DIAPH2: variants seen among roughly 807,000 people sequenced by gnomAD.
DIAPH2 encodes protein diaphanous homolog 2.
Under a neutral mutation model 92.7 loss-of-function variants are expected in DIAPH2, and 35 were observed. That is an observed-to-expected ratio of 0.38 (90% confidence interval 0.29 to 0.50). DIAPH2 has a LOEUF of 0.50. Among genes scored for constraint, DIAPH2 ranks in the 20% least tolerant of loss-of-function variants. The pLI is 0.94. For missense variants in DIAPH2, 701 were observed against 819.5 expected, an observed-to-expected ratio of 0.86 and a Z score of 1.77; for synonymous variants, 301 against 280.4, an observed-to-expected ratio of 1.07 and a Z score of -0.73.
At chrX:97,390,972 C>G (rs767321603) in intron 25 of DIAPH2, among the ~76,000 whole-genome samples, 5 of 111,586 alleles carry the variant, frequency 4.5e-5, no homozygotes, top group Non-Finnish European at 7.5e-5. Context: ...AAATAGTAAA[C>G]TACTGTTACC....
At chrX:97,221,296 C>T (rs2067922883) in intron 22 of DIAPH2, among the ~76,000 whole-genome samples, 1 of 111,730 alleles carries the variant, frequency 9.0e-6, no homozygotes, top group Non-Finnish European at 1.9e-5. Flanking sequence ...GGCCATATGG[C>T]ATGGTTGAAG....
chrX:97,031,307 T>G (rs1281354845), intron 17 of DIAPH2, among the ~76,000 whole-genome samples: 5 of 95,640 alleles, frequency 5.2e-5, no homozygotes, highest in Non-Finnish European at 8.4e-5. Context: ...ATGATAAAAT[T>G]TTGAGGAATA....
chrX:97,012,559 C>G (rs17003775), intron 17 of DIAPH2, among the ~76,000 whole-genome samples: 3,448 of 112,062 alleles, frequency 0.031, 146 homozygotes, highest in African/African-American at 0.11. Context: ...GTTTTATCCT[C>G]ACTTCCATTT....
chrX:96,749,145 A>AAAAATATATATATAT (rs1252042191), intron 3 of DIAPH2, among the ~76,000 whole-genome samples: 1 of 79,825 alleles, frequency 1.3e-5, no homozygotes, highest in African/African-American at 5.1e-5. Flanking sequence ...AAAAAAAAAA[A>AAAAATATATATATAT]ATATATATAT....
chrX:96,939,293 AT>A lies in DIAPH2; in HGVS notation c.1237del (p.Tyr413IlefsTer4), dbSNP rs746023886. On this transcript the variant is annotated frameshift_variant, in exon 12 of 27. Transcript: ENST00000324765. LOFTEE classifies it high-confidence loss of function. ...DDMNEVYHLL[Y>X]NMLKDTAAEN... is the part of the protein sequence containing the mutation. ...ATATGAATGAAGTCTACCATCTTCT[AT>A]ATAATATGCTGAAGGACACTGCTGC... The A allele has an allele frequency of 1.8e-6, 2 of 1,113,174 alleles. No individual in the cohort carries two copies. Among genetic ancestry groups the A allele is most frequent in the African/African-American group, 3.7e-5 (2 of 54,031 alleles). 91.7% of individuals were successfully genotyped at this position (1,113,174 alleles called of 1,213,427 possible). A position where few individuals can be genotyped will look rare whatever the true frequency, so the allele number is the denominator to read the frequency against.
chrX:97,162,106 T>C (rs772617625), intron 22 of DIAPH2, among the ~76,000 whole-genome samples: 52 of 111,645 alleles, frequency 4.7e-4, no homozygotes, highest in Non-Finnish European at 8.6e-4. Context: ...CTTAATATTA[T>C]CAATTTCTTG....
chrX:96,745,305 C>G (rs1319936634), intron 3 of DIAPH2, among the ~76,000 whole-genome samples: 1 of 111,306 alleles, frequency 9.0e-6, no homozygotes, highest in Non-Finnish European at 1.9e-5. Context: ...CGTGCCCAGC[C>G]AAAACGTTTT....
intron 5 of DIAPH2, among the ~76,000 whole-genome samples, chrX:96,895,367 G>C (rs1207549623): frequency 9.0e-6 from 1 of 111,521 alleles, no homozygotes; most frequent in African/African-American, 3.3e-5. Flanking sequence ...AAGGATATTA[G>C]ATAAATGTGA....
At chrX:96,965,229 A>T in intron 17 of DIAPH2, 22 bp downstream of exon 17, 1 of 1,092,295 alleles carries the variant, frequency 9.2e-7, no homozygotes, top group South Asian at 2.2e-5. Flanking sequence ...AAAATAAAAT[A>T]TAAGTTCCCG....
chrX:96,736,452 G>A (rs772777630), intron 2 of DIAPH2, among the ~76,000 whole-genome samples: 36 of 111,202 alleles, frequency 3.2e-4, no homozygotes, highest in African/African-American at 3.3e-4. Flanking sequence ...GTGCAGTGGC[G>A]CGATCTCGGC....
intron 26 of DIAPH2, among the ~76,000 whole-genome samples, chrX:97,489,370 G>A (rs971873045): frequency 9.1e-6 from 1 of 110,491 alleles, no homozygotes; most frequent in Non-Finnish European, 1.9e-5. Context: ...ATCACGTGTC[G>A]GCAAACAGAG....
At chrX:97,247,039 A>C in intron 22 of DIAPH2, among the ~76,000 whole-genome samples, 1 of 112,312 alleles carries the variant, frequency 8.9e-6, no homozygotes, top group East Asian at 2.8e-4. Context: ...AATACAATAC[A>C]TAAAATTATT....
At chrX:96,775,233 T>TAATA (rs1194107592) in intron 4 of DIAPH2, among the ~76,000 whole-genome samples, 1 of 110,788 alleles carries the variant, frequency 9.0e-6, no homozygotes, top group Admixed American at 9.7e-5. Context: ...TTTTTCCATA[T>TAATA]AATACTGCCT....
intron 24 of DIAPH2, among the ~76,000 whole-genome samples, chrX:97,373,812 G>C (rs956650669): frequency 2.7e-5 from 3 of 109,396 alleles, no homozygotes; most frequent in African/African-American, 1.0e-4. Context: ...CTCCATGTTG[G>C]TCAGGTTTCA....
chrX:96,962,382 C>CACATATATATACAT (rs1556310197), intron 16 of DIAPH2, among the ~76,000 whole-genome samples: 1 of 57,200 alleles, frequency 1.7e-5, no homozygotes, highest in Admixed American at 2.2e-4. Flanking sequence ...TATATATACA[C>CACATATATATACAT]ATATATATAC....
chrX:97,544,634 G>A (rs1329561429), intron 26 of DIAPH2, among the ~76,000 whole-genome samples: 1 of 111,752 alleles, frequency 8.9e-6, no homozygotes, highest in Non-Finnish European at 1.9e-5. Flanking sequence ...CTTACTAAAA[G>A]TCAGTTTTCC....
At chrX:97,386,246 C>A (rs1004267724) in intron 25 of DIAPH2, among the ~76,000 whole-genome samples, 4 of 112,065 alleles carry the variant, frequency 3.6e-5, no homozygotes, top group African/African-American at 1.3e-4. Context: ...AGCAAACGAA[C>A]TTCATAATTA....
In DIAPH2 at chrX:96,782,444, C is replaced by T. The variant is rs184207539; in HGVS notation, c.447+24186C>T. Among the ~76,000 whole-genome samples the T allele has an allele frequency of 7.3e-3, 818 of 111,748 alleles. 6 individuals are homozygous for T. The highest frequency in any genetic ancestry group is 0.026 in the African/African-American group (790 of 30,746). ...CCGAGTAGCTGGGACTACAGGTGCT[C>T]ACCACCACACCCGGCTAATTTTTTG... On this transcript the variant is annotated intron_variant, in intron 4 of 26. Transcript: ENST00000324765.
chrX:97,166,456 G>A (rs1260673693), intron 22 of DIAPH2, among the ~76,000 whole-genome samples: 2 of 111,435 alleles, frequency 1.8e-5, no homozygotes, highest in Non-Finnish European at 3.8e-5. Context: ...TTGAAAGCAG[G>A]TTAGAATGTA....
Sources: allele counts gnomAD v4.1 joint callset (sites outside exome capture counted in the v4.1 genomes callset), GRCh38; gene constraint gnomAD v4.1.1; transcripts MANE v1.5; gene names NCBI Gene and HGNC (gene_info 2026-07-23, HGNC 2026-07-21).